SPTBN1: variants seen among roughly 807,000 people sequenced by gnomAD.
SPTBN1 encodes the protein spectrin beta chain, non-erythrocytic 1.
In SPTBN1, 32 loss-of-function variants were observed where a neutral mutation model predicts 266.4. The observed-to-expected ratio is 0.12, with a 90% CI of 0.09 to 0.16. The LOEUF is 0.16. SPTBN1 is among the 10% of genes least tolerant of loss of function. The pLI, the probability that SPTBN1 is intolerant of heterozygous loss-of-function variation, is 1.00. For missense variants in SPTBN1, 2,296 were observed against 3,067.1 expected (o/e 0.75, Z 5.94); for synonymous variants, 1,336 against 1,162.2 (o/e 1.15, Z -3.04).
At chr2:54,662,706 C>G (rs1276570148) in intron 32 of SPTBN1, 1 of 152,204 alleles carries the variant, frequency 6.6e-6, no homozygotes, top group Non-Finnish European at 1.5e-5. Flanking sequence ...GATTTGTCAC[C>G]TTTAAAGTCC....
At chr2:54,638,703 G>T (rs1382440210) in intron 18 of SPTBN1, among the ~76,000 whole-genome samples, 1 of 152,282 alleles carries the variant, frequency 6.6e-6, no homozygotes, top group East Asian at 1.9e-4. Flanking sequence ...AGCCCTCTCT[G>T]GTTTATTAAA....
At chr2:54,515,754 T>G (rs972572523) in intron 1 of SPTBN1, 1 of 152,304 alleles carries the variant, frequency 6.6e-6, no homozygotes, top group Admixed American at 6.5e-5. Flanking sequence ...CTCGAACTCA[T>G]GGCCTCAAAT....
In SPTBN1 at chr2:54,625,922, TTC is replaced by T; in HGVS notation, c.1342-6_1342-5del. ...TTTATTTTCCTTCTTTTCATTCCGT[TTC>T]TCTGTAGGACAACTTTGGGTTTGAC... On this transcript the variant is annotated splice_region_variant and splice_polypyrimidine_tract_variant and intron_variant, in intron 11 of 35. Transcript: ENST00000356805. 1 of 1,609,240 alleles carries T rather than the reference TTC, an allele frequency of 6.2e-7. No individual in the cohort carries two copies. Among genetic ancestry groups the T allele is most frequent in the Non-Finnish European group, 8.5e-7 (1 of 1,175,960 alleles).
chr2:54,615,387 A>T (rs556997694), intron 4 of SPTBN1, among the ~76,000 whole-genome samples: 1 of 152,342 alleles, frequency 6.6e-6, no homozygotes, highest in East Asian at 1.9e-4. Flanking sequence ...ACTCCATTCC[A>T]CATTTTACTC....
chr2:54,562,533 C>CTTTTTTTCTTTTTCT (rs746897447), intron 2 of SPTBN1, among the ~76,000 whole-genome samples: 6 of 126,826 alleles, frequency 4.7e-5, no homozygotes, highest in African/African-American at 1.6e-4. Flanking sequence ...TTTTCTTTTT[C>CTTTTTTTCTTTTTCT]TTTTTTTTTT....
chr2:54,648,662 G>C (rs2941594), intron 24 of SPTBN1, among the ~76,000 whole-genome samples: 4 of 152,146 alleles, frequency 2.6e-5, no homozygotes, highest in Admixed American at 6.5e-5. Context: ...GGTGCAGAGA[G>C]AATTTTCCCC....
At chr2:54,661,500 T>C in intron 32 of SPTBN1, 1 of 985,890 alleles carries the variant, frequency 1.0e-6, no homozygotes. Flanking sequence ...CTTATCTCTA[T>C]GTACATATCT....
At chr2:54,595,880 A>G (rs889987448) in intron 2 of SPTBN1, among the ~76,000 whole-genome samples, 1 of 152,222 alleles carries the variant, frequency 6.6e-6, no homozygotes, top group East Asian at 1.9e-4. Flanking sequence ...AATCGTGACC[A>G]TCAACACTGT....
intron 1 of SPTBN1, among the ~76,000 whole-genome samples, chr2:54,477,785 C>T (rs1573229144): frequency 6.6e-6 from 1 of 152,094 alleles, no homozygotes; most frequent in Non-Finnish European, 1.5e-5. Flanking sequence ...GTGGCGGGTG[C>T]CCGTTATCCC....
intron 3 of SPTBN1, among the ~76,000 whole-genome samples, chr2:54,600,935 C>T (rs1676460220): frequency 6.6e-6 from 1 of 151,724 alleles, no homozygotes. Context: ...AGATTGTGTC[C>T]TTGATAATGT....
chr2:54,565,790 A>T (rs1217159458), intron 2 of SPTBN1, among the ~76,000 whole-genome samples: 1 of 152,258 alleles, frequency 6.6e-6, no homozygotes, highest in East Asian at 1.9e-4. Flanking sequence ...CCCTGGAAAC[A>T]TCCATGTACT....
intron 18 of SPTBN1, among the ~76,000 whole-genome samples, chr2:54,641,038 T>G (rs2104013502): frequency 6.6e-6 from 1 of 152,392 alleles, no homozygotes; most frequent in East Asian, 1.9e-4. Context: ...GTTAGCTTGA[T>G]TCAACGATCA....
intron 31 of SPTBN1, 96 bp from the exon 32 acceptor site, chr2:54,659,840 T>C (rs1572774586): frequency 6.7e-7 from 1 of 1,489,910 alleles, no homozygotes; most frequent in East Asian, 2.5e-5. Flanking sequence ...TTGCACGTAA[T>C]AAAATTGAGT....
intron 1 of SPTBN1, among the ~76,000 whole-genome samples, chr2:54,518,556 G>C (rs1336809550): frequency 1.3e-5 from 2 of 152,096 alleles, no homozygotes; most frequent in African/African-American, 4.8e-5. Flanking sequence ...ACGATTTGCA[G>C]TTTGGTGCCT....
At chr2:54,595,342 G>C (rs73934495) in intron 2 of SPTBN1, among the ~76,000 whole-genome samples, 3,886 of 152,292 alleles carry the variant, frequency 0.026, 180 homozygotes, top group African/African-American at 0.089. Context: ...GATACCCCCA[G>C]AGGGCAGGGG....
Position 54,526,581 on chromosome 2 carries a change from C to T in SPTBN1, c.148+15C>T. On this transcript the variant is annotated intron_variant, in intron 2 of 35. Transcript: ENST00000356805. ...GGCTCTGGCAGGTGAGTCCTTCACACCTGTCACAGAGGCCCAGGATGCCTA... is the reference window on the plus strand; with the variant it reads ...GGCTCTGGCAGGTGAGTCCTTCACATCTGTCACAGAGGCCCAGGATGCCTA... The T allele has an allele frequency of 6.2e-7, 1 of 1,609,302 alleles. No homozygotes were observed. The highest frequency in any genetic ancestry group is 8.5e-7 in the Non-Finnish European group (1 of 1,177,166).
chr2:54,476,862 G>C (rs950232276), intron 1 of SPTBN1, among the ~76,000 whole-genome samples: 1 of 152,146 alleles, frequency 6.6e-6, no homozygotes, highest in Non-Finnish European at 1.5e-5. Context: ...CTGGTTACAT[G>C]CCTGTGTTGA....
At chr2:54,612,008 C>T (rs1677248697) in intron 3 of SPTBN1, among the ~76,000 whole-genome samples, 153 bp from the exon 4 acceptor site, 1 of 152,138 alleles carries the variant, frequency 6.6e-6, no homozygotes, top group South Asian at 2.1e-4. Context: ...AGGTAAATAC[C>T]GTCCTTGGAC....
rs1680764056 is a variant in SPTBN1 at position 54,657,685 on chromosome 2, G to A, written c.6047-165G>A. The A allele has an allele frequency of 9.3e-6, 7 of 752,696 alleles. 1 individual carries two copies. The highest frequency in any genetic ancestry group is 8.2e-5 in the East Asian group (3 of 36,538). 46.6% of individuals were successfully genotyped at this position (752,696 alleles called of 1,614,324 possible). A position where few individuals can be genotyped will look rare whatever the true frequency, so the allele number is the denominator to read the frequency against. ...GCTACTGGAAAAGTCAAAGTTGCAA[G>A]TGTGGCTCACATTACATTTACATTG... On this transcript the variant is annotated intron_variant, in intron 29 of 35. Coordinates refer to ENST00000356805, the MANE Select transcript of SPTBN1 (RefSeq NM_003128.3).
Sources: gnomAD v4.1 joint callset for allele counts (sites outside exome capture counted in the v4.1 genomes callset) on GRCh38, gnomAD v4.1.1 for gene constraint, MANE v1.5 for transcripts, NCBI Gene and HGNC (gene_info 2026-07-23, HGNC 2026-07-21) for gene names.